The following TDRD9 variants were observed in gnomAD, a reference collection of about 807,000 sequenced individuals.
TDRD9 encodes ATP-dependent RNA helicase TDRD9.
Under a neutral mutation model 172.6 loss-of-function variants are expected in TDRD9, and 124 were observed. The ratio of observed to expected loss-of-function variants is 0.72; its 90% confidence interval spans 0.62 to 0.83. The LOEUF (loss-of-function observed/expected upper bound fraction) is 0.83, where lower values mean the gene tolerates loss of function less well. Ranked by LOEUF, TDRD9 falls within the 40% of genes least tolerant of loss-of-function variation. The pLI is 0.00. For missense variants in TDRD9, 1,479 were observed against 1,714.1 expected, an observed-to-expected ratio of 0.86 and a Z score of 2.42; for synonymous variants, 619 against 617.1, an observed-to-expected ratio of 1.00 and a Z score of -0.05.
intron 1 of TDRD9, among the ~76,000 whole-genome samples, chr14:103,940,065 A>G (rs370967483): frequency 4.6e-5 from 7 of 152,074 alleles, no homozygotes; most frequent in Non-Finnish European, 8.8e-5. Flanking sequence ...ATAATTTCCT[A>G]CTTTTAATAA....
At chr14:104,026,970 G>A (rs371897420) in intron 28 of TDRD9, 31 bp downstream of exon 28, 37 of 1,606,180 alleles carry the variant, frequency 2.3e-5, no homozygotes, top group African/African-American at 8.0e-5. Flanking sequence ...TGGAGCACGC[G>A]TTTGTGTGAG....
intron 32 of TDRD9, among the ~76,000 whole-genome samples, chr14:104,035,359 G>A (rs954666153): frequency 1.4e-4 from 22 of 152,310 alleles, no homozygotes; most frequent in Middle Eastern, 6.8e-3. Context: ...CATGGTGATG[G>A]ACATCCCATT....
chr14:103,932,481 G>A (rs1015687297), intron 1 of TDRD9, among the ~76,000 whole-genome samples: 1 of 151,982 alleles, frequency 6.6e-6, no homozygotes, highest in Non-Finnish European at 1.5e-5. Flanking sequence ...TCTGCCTCCC[G>A]GGTTCACACC....
chr14:103,933,503 A>G (rs906476368), intron 1 of TDRD9, among the ~76,000 whole-genome samples: 1 of 152,132 alleles, frequency 6.6e-6, no homozygotes, highest in African/African-American at 2.4e-5. Flanking sequence ...GATTTCCACT[A>G]TCTGGTGATT....
At position 104,049,590 on chromosome 14, in the gene TDRD9, CT is replaced by C. The variant is rs3831000; in HGVS notation, c.3975-8del. On this transcript the variant is annotated splice_polypyrimidine_tract_variant and intron_variant, in intron 34 of 35. Transcript: ENST00000409874. ...TACTAATATATAATTAAGATAATTT[CT>C]TTTTTTTTTAAATTAGTTTGTTCTG... 1.5e-3 allele frequency: 2,044 copies of C among 1,408,800 alleles called. 1 individual carries two copies. The highest frequency in any genetic ancestry group is 2.7e-3 in the Middle Eastern group (11 of 4,140). 87.3% of individuals were successfully genotyped at this position (1,408,800 alleles called of 1,614,324 possible).
intron 6 of TDRD9, among the ~76,000 whole-genome samples, chr14:103,974,112 G>T (rs984480482): frequency 8.1e-4 from 124 of 152,332 alleles, no homozygotes; most frequent in Middle Eastern, 3.4e-3. Context: ...TGAGGTGAGA[G>T]GATCACTGAA....
rs889491653 is a variant in TDRD9, at chr14:104,038,389, A to C, written c.3717-1807A>C. On this transcript the variant is annotated intron_variant, in intron 32 of 35. Coordinates refer to ENST00000409874, the MANE Select transcript of TDRD9 (RefSeq NM_153046.3). ...CTGTGGCTAAAAACAAGCTACCCCA[A>C]AACTTCAGTGGGCTACAGCAACCTT... 3.0e-4 allele frequency among the ~76,000 whole-genome samples: 45 copies of C among 152,204 alleles called. 3 individuals carry two copies. Among genetic ancestry groups the C allele is most frequent in the Non-Finnish European group, 5.9e-5 (4 of 68,028 alleles).
chr14:103,985,050 A>G (rs1336781085), intron 7 of TDRD9, among the ~76,000 whole-genome samples: 3 of 152,202 alleles, frequency 2.0e-5, no homozygotes, highest in African/African-American at 7.2e-5. Context: ...TGGAAAGGCT[A>G]TATTTACCCA....
At chr14:104,035,857 A>G (rs2368996) in intron 32 of TDRD9, among the ~76,000 whole-genome samples, 138,718 of 151,940 alleles carry the variant, frequency 0.91, 64,301 homozygotes, top group Non-Finnish European at 1. Context: ...GTGAGCATGG[A>G]GGGGTGGTCC....
intron 13 of TDRD9, among the ~76,000 whole-genome samples, chr14:104,002,964 C>T (rs891705917): frequency 6.6e-6 from 1 of 152,056 alleles, no homozygotes; most frequent in Non-Finnish European, 1.5e-5. Context: ...CTCTTTACCT[C>T]GTGATCTGCC....
intron 1 of TDRD9, among the ~76,000 whole-genome samples, chr14:103,929,255 C>G (rs75163055): frequency 0.033 from 5,024 of 152,156 alleles, 186 homozygotes; most frequent in African/African-American, 0.091. Context: ...GCCTCCCTTT[C>G]CCTACACCAC....
chr14:104,046,131 A>G (rs936299531), intron 34 of TDRD9, among the ~76,000 whole-genome samples: 2 of 151,804 alleles, frequency 1.3e-5, no homozygotes, highest in Non-Finnish European at 2.9e-5. Flanking sequence ...TGATTTTTGT[A>G]TTTTTAGTAG....
At chr14:103,939,798 G>A (rs2031104408) in intron 1 of TDRD9, 1 of 108,744 alleles carries the variant, frequency 9.2e-6, no homozygotes, top group East Asian at 3.1e-4. Flanking sequence ...CCAGATTGGA[G>A]TGCAGTGGTG....
chr14:104,023,184 CAAAAAAAAA>C (rs10661391), intron 24 of TDRD9, among the ~76,000 whole-genome samples: 1 of 64,434 alleles, frequency 1.6e-5, no homozygotes, highest in African/African-American at 7.2e-5. Context: ...GACTCCGTCT[CAAAAAAAAA>C]AAAAAAAAAA....
chr14:104,028,780 T>G (rs2035197850), intron 28 of TDRD9, among the ~76,000 whole-genome samples: 1 of 152,114 alleles, frequency 6.6e-6, no homozygotes, highest in Non-Finnish European at 1.5e-5. Context: ...GTATTTCTCC[T>G]TGTTTTCTTC....
chr14:104,018,037 G>A lies in TDRD9; in HGVS notation c.2332-55G>A, dbSNP rs75227984. On this transcript the variant is annotated intron_variant, in intron 22 of 35. Coordinates refer to ENST00000409874, the MANE Select transcript of TDRD9 (RefSeq NM_153046.3). The stretch of plus-strand genomic sequence containing the variant: ...CAGCAGCTTTGAGCTTGTGAATGTT[G>A]AAACTATTTTGTTAGCTCTAGTAAT... 2,414 of 1,064,604 alleles carry A rather than the reference G, an allele frequency of 2.3e-3. 51 individuals carry two copies. In the East Asian group the frequency reaches 0.053, roughly 23 times the overall value. The allele number at this position is 1,064,604 out of a possible 1,614,324, so 65.9% of individuals were successfully genotyped here. A position where few individuals can be genotyped will look rare whatever the true frequency, so the allele number is the denominator to read the frequency against.
chr14:104,015,004 T>C (rs1443293390), intron 21 of TDRD9, among the ~76,000 whole-genome samples, 163 bp downstream of exon 21: 1 of 152,228 alleles, frequency 6.6e-6, no homozygotes, highest in Admixed American at 6.5e-5. Flanking sequence ...GAAACATTCT[T>C]CTTTCATAGT....
rs117532470 is a variant in TDRD9 at position 103,955,779 on chromosome 14, G to A, written c.322+9G>A. The A allele has an allele frequency of 0.01, 16,101 of 1,548,288 alleles. 138 individuals carry two copies. Among genetic ancestry groups the A allele is most frequent in the Middle Eastern group, 0.019 (106 of 5,600 alleles). On this transcript the variant is annotated intron_variant, in intron 2 of 35. Transcript: ENST00000409874. The stretch of plus-strand genomic sequence containing the variant: ...ACCAACCAGTGGGCCAGGTAAACAG[G>A]TCTCTTTAAATATTTTAGATAGGAT...
chr14:103,974,968 C>T (rs1476139507), intron 6 of TDRD9, among the ~76,000 whole-genome samples: 1 of 151,992 alleles, frequency 6.6e-6, no homozygotes, highest in Non-Finnish European at 1.5e-5. Context: ...ACAGTGGTCT[C>T]ATGTTGTTGC....
Sources: gnomAD v4.1 joint callset for allele counts (sites outside exome capture counted in the v4.1 genomes callset) on GRCh38, gnomAD v4.1.1 for gene constraint, MANE v1.5 for transcripts, NCBI Gene and HGNC (gene_info 2026-07-23, HGNC 2026-07-21) for gene names.